Variants in HIBCH observed in about 807,000 individuals in gnomAD.
HIBCH encodes the protein 3-hydroxyisobutyryl-CoA hydrolase.
Under a neutral mutation model 58.2 loss-of-function variants are expected in HIBCH, and 50 were observed. The observed-to-expected ratio is 0.86, with a 90% CI of 0.68 to 1.09. The LOEUF is 1.09. Among genes scored for constraint, HIBCH ranks in the 50% least tolerant of loss-of-function variants. The pLI is 0.00. For synonymous variants in HIBCH, 151 were observed against 146.9 expected (o/e 1.03, Z -0.20); for missense variants, 450 against 449.7 (o/e 1.00, Z -0.01).
chr2:190,303,143 C>T (rs571760026), intron 2 of HIBCH, among the ~76,000 whole-genome samples: 16 of 152,214 alleles, frequency 1.1e-4, no homozygotes, highest in African/African-American at 3.4e-4. Flanking sequence ...TAGTTTAATA[C>T]ACATATACAG....
intron 7 of HIBCH, 144 bp from the exon 8 acceptor site, chr2:190,252,451 T>G: frequency 1.4e-6 from 1 of 723,806 alleles, no homozygotes; most frequent in Non-Finnish European, 2.4e-6. Flanking sequence ...TACTATACAC[T>G]GCAATCAATA....
chr2:190,244,421 T>C (rs991824232), intron 11 of HIBCH, among the ~76,000 whole-genome samples: 23 of 152,170 alleles, frequency 1.5e-4, no homozygotes, highest in African/African-American at 2.4e-5. Flanking sequence ...TGGCAAGAGA[T>C]AGAGTCTCTT....
chr2:190,229,916 A>C lies in HIBCH; in HGVS notation c.891+14971T>G, dbSNP rs565055813. 2.6e-5 allele frequency among the ~76,000 whole-genome samples: 4 copies of C among 152,280 alleles called. No homozygotes were observed. The South Asian group carries it at 6.2e-4, about 24-fold the overall frequency. ...TTTAACAAGTCCGTAAAAACGTAACAGTTAAATTGACAGGTAGCAAAAGTC... is the reference window on the plus strand; with the variant it reads ...TTTAACAAGTCCGTAAAAACGTAACCGTTAAATTGACAGGTAGCAAAAGTC... On this transcript the variant is annotated intron_variant, in intron 11 of 13. Transcript: ENST00000359678.
At chr2:190,235,669 T>C (rs1686252241) in intron 11 of HIBCH, among the ~76,000 whole-genome samples, 1 of 152,224 alleles carries the variant, frequency 6.6e-6, no homozygotes, top group Non-Finnish European at 1.5e-5. Flanking sequence ...TCCTTGTTCC[T>C]TGCTCTGCAC....
At chr2:190,261,116 G>A (rs1277203806) in intron 7 of HIBCH, 40 bp downstream of exon 7, 1 of 1,382,352 alleles carries the variant, frequency 7.2e-7, no homozygotes, top group East Asian at 2.3e-5. Flanking sequence ...AAAAGAAGAT[G>A]ATGCTAAAAG....
intron 1 of HIBCH, among the ~76,000 whole-genome samples, chr2:190,190,490 T>C (rs993158540): frequency 1.3e-5 from 2 of 152,238 alleles, no homozygotes; most frequent in African/African-American, 2.4e-5. Flanking sequence ...GCTTTGACTA[T>C]TGTGAATAAA....
chr2:190,317,437 G>A (rs760818205), intron 1 of HIBCH, among the ~76,000 whole-genome samples: 14 of 152,200 alleles, frequency 9.2e-5, no homozygotes, highest in Non-Finnish European at 1.8e-4. Flanking sequence ...CTAGAACTGT[G>A]CTTCCCAGCA....
rs770211021 is a variant in HIBCH, at chr2:190,310,774, T to C, written c.58A>G (p.Asn20Asp). The change falls in exon 2 of 14, where the codon AAT becomes GAT. Residue 20 changes from asparagine (N) to aspartate (D), a missense_variant. By Grantham distance (23) the Asn-to-Asp change is conservative. Coordinates refer to ENST00000359678, the MANE Select transcript of HIBCH (RefSeq NM_014362.4). ...CTTACCAAATGGTGCAGTATGGTAT[T>C]AGTCCTTTTGAATGCATTAAACCTG... The part of the protein sequence containing the change: ...MSRFNAFKRT[N>D]TILHHLRMSK... The C allele has an allele frequency of 4.3e-6, 7 of 1,610,200 alleles. No individual in the cohort carries two copies. Among genetic ancestry groups the C allele is most frequent in the Non-Finnish European group, 5.9e-6 (7 of 1,176,540 alleles).
chr2:190,213,308 C>T, intron 11 of HIBCH: 2 of 502,302 alleles, frequency 4.0e-6, no homozygotes, highest in East Asian at 3.5e-5. Flanking sequence ...AAAATAAATC[C>T]ATATTTGTAG....
intron 3 of HIBCH, among the ~76,000 whole-genome samples, chr2:190,295,597 G>A (rs1056457627): frequency 7.2e-5 from 11 of 152,154 alleles, no homozygotes; most frequent in East Asian, 1.9e-4. Flanking sequence ...AATATGTAAC[G>A]CACAAGGAAG....
chr2:190,193,733 GATGT>G (rs1420652186), intron 1 of HIBCH, among the ~76,000 whole-genome samples: 2 of 152,126 alleles, frequency 1.3e-5, no homozygotes, highest in Non-Finnish European at 2.9e-5. Context: ...TCTGTATAGA[GATGT>G]ATCTATTAGA....
In HIBCH at chr2:190,314,240, T is replaced by C. The variant is rs1238905451; in HGVS notation, c.36-3444A>G. ...ACAAAGCCACTGTACACAATATTTA[T>C]AGGTCACAAAAATCTGTGGACCAGT... On this transcript the variant is annotated intron_variant, in intron 1 of 13. Transcript: ENST00000359678. 6.8e-5 allele frequency among the ~76,000 whole-genome samples: 10 copies of C among 146,406 alleles called. 1 individual carries two copies. The highest frequency in any genetic ancestry group is 2.9e-4 in the Admixed American group (4 of 13,942).
At chr2:190,280,366 G>A (rs1317404222) in intron 6 of HIBCH, among the ~76,000 whole-genome samples, 1 of 152,104 alleles carries the variant, frequency 6.6e-6, no homozygotes, top group South Asian at 2.1e-4. Flanking sequence ...CATGAGCAGG[G>A]CAGAGAGCTC....
At chr2:190,317,879 A>G (rs1177129503) in intron 1 of HIBCH, among the ~76,000 whole-genome samples, 4 of 148,732 alleles carry the variant, frequency 2.7e-5, no homozygotes, top group Non-Finnish European at 5.9e-5. Context: ...GCTGGAGTGC[A>G]GTGGCATGAT....
intron 7 of HIBCH, among the ~76,000 whole-genome samples, chr2:190,253,765 A>G (rs866193262): frequency 3.9e-5 from 6 of 151,962 alleles, no homozygotes; most frequent in Non-Finnish European, 7.4e-5. Context: ...GCCCCTTACC[A>G]CTTTTTCCAC....
chr2:190,226,133 A>G (rs1685885330), intron 11 of HIBCH, among the ~76,000 whole-genome samples: 1 of 152,228 alleles, frequency 6.6e-6, no homozygotes, highest in African/African-American at 2.4e-5. Context: ...TATTTATGAC[A>G]AACCCACAGC....
chr2:190,266,548 C>G (rs931960253), intron 6 of HIBCH, among the ~76,000 whole-genome samples: 4 of 152,026 alleles, frequency 2.6e-5, no homozygotes, highest in Admixed American at 6.6e-5. Flanking sequence ...ATTCTCCTGC[C>G]TCGGCCTCCG....
intron 4 of HIBCH, among the ~76,000 whole-genome samples, chr2:190,294,037 T>C (rs936601109): frequency 5.6e-4 from 82 of 146,610 alleles, no homozygotes; most frequent in African/African-American, 2.0e-3. Context: ...TATATATATA[T>C]ATATATATAT....
chr2:190,294,384 AAAGT>A (rs1472198435), intron 4 of HIBCH, among the ~76,000 whole-genome samples, 158 bp downstream of exon 4: 1 of 152,204 alleles, frequency 6.6e-6, no homozygotes, highest in Non-Finnish European at 1.5e-5. Context: ...CTAACTGCAG[AAAGT>A]AAGTCTTTAA....
Sources: allele counts gnomAD v4.1 joint callset (sites outside exome capture counted in the v4.1 genomes callset), GRCh38; gene constraint gnomAD v4.1.1; transcripts MANE v1.5; gene names NCBI Gene and HGNC (gene_info 2026-07-23, HGNC 2026-07-21).